The following DENND2C variants were observed in gnomAD, a reference collection of about 807,000 sequenced individuals.
DENND2C encodes the protein DENN domain-containing protein 2C.
In DENND2C, 72 loss-of-function variants were observed where a neutral mutation model predicts 112.4. The ratio of observed to expected loss-of-function variants is 0.64; its 90% CI spans 0.53 to 0.78. DENND2C has a LOEUF of 0.78. Ranked by LOEUF, DENND2C falls within the 30% of genes least tolerant of loss-of-function variation. The pLI is 0.00. For synonymous variants in DENND2C, 329 were observed against 381.6 expected (o/e 0.86, Z 1.61); for missense variants, 992 against 1,113.8 (o/e 0.89, Z 1.56).
At chr1:114,628,155 T>C (rs895996685) in intron 3 of DENND2C, among the ~76,000 whole-genome samples, 1 of 150,400 alleles carries the variant, frequency 6.6e-6, no homozygotes, top group Non-Finnish European at 1.5e-5. Flanking sequence ...AATAAATAAA[T>C]AAATAAATAA....
Position 114,623,035 on chromosome 1 carries a change from A to AG in DENND2C, c.1007dup (p.Ser337PhefsTer9), listed in dbSNP as rs1336527616. Reference sequence around the variant, plus strand: ...TAGCGGGTGGTAGCTTCCATGCTGAAGGGGATCTCCACATAGGTAAAGGCT... The same window carrying AG: ...TAGCGGGTGGTAGCTTCCATGCTGAAGGGGGATCTCCACATAGGTAAAGGCT... On this transcript the variant is annotated frameshift_variant, in exon 6 of 21. Transcript: ENST00000393274. LOFTEE classifies it high-confidence loss of function. 1 of 1,613,528 alleles carries AG rather than the reference A, an allele frequency of 6.2e-7. No individual in the cohort carries two copies. The highest frequency in any genetic ancestry group is 1.7e-5 in the Admixed American group (1 of 59,982).
chr1:114,613,612 A>G (rs1655881669), intron 8 of DENND2C, among the ~76,000 whole-genome samples: 1 of 152,292 alleles, frequency 6.6e-6, no homozygotes, highest in Middle Eastern at 3.4e-3. Context: ...AGTACCAGGT[A>G]TCTCTTAGAA....
Position 114,600,203 on chromosome 1 carries a change from C to T in DENND2C, c.2105+1G>A. ...AGTAACATATTTCACTTATTTCTTA[C>T]CTTAGGCTGTTGGCAACAAAGATTA... On this transcript the variant is annotated splice_donor_variant, in intron 15 of 20. Coordinates refer to ENST00000393274, the MANE Select transcript of DENND2C (RefSeq NM_001256404.2). LOFTEE classifies it high-confidence loss of function. The T allele has an allele frequency of 6.2e-7, 1 of 1,613,762 alleles. No homozygotes were observed. The highest frequency in any genetic ancestry group is 8.5e-7 in the Non-Finnish European group (1 of 1,179,886).
rs574342789 is a variant in DENND2C, at chr1:114,659,882, T to C, written c.-573-5121A>G. ...TTGCAACTCACTGTAGCCTCACTCT[T>C]TGGGCTTACGCGATCCTTCTACCTC... On this transcript the variant is annotated intron_variant, in intron 1 of 20. Coordinates refer to ENST00000393274, the MANE Select transcript of DENND2C (RefSeq NM_001256404.2). Among the ~76,000 whole-genome samples, 3 of 146,822 alleles carry C rather than the reference T, an allele frequency of 2.0e-5. No individual in the cohort carries two copies. In the South Asian group the frequency reaches 7.1e-4, roughly 35 times the overall value.
intron 16 of DENND2C, among the ~76,000 whole-genome samples, chr1:114,597,941 A>G (rs909025706): frequency 6.6e-6 from 1 of 152,190 alleles, no homozygotes; most frequent in African/African-American, 2.4e-5. Context: ...AACACTACGC[A>G]CCCACCAGAT....
Position 114,587,203 on chromosome 1 carries a change from T to C in DENND2C, c.2755+184A>G, listed in dbSNP as rs116313475. ...AGGCATAAGCCACCATGCCCAACCA[T>C]GCCCAGCTAATTTTAAAATTTTGTG... On this transcript the variant is annotated intron_variant, in intron 20 of 20. Coordinates refer to ENST00000393274, the MANE Select transcript of DENND2C (RefSeq NM_001256404.2). 2,011 of 652,102 alleles carry C rather than the reference T, an allele frequency of 3.1e-3. 26 individuals carry two copies. In the African/African-American group the frequency reaches 0.034, roughly 11 times the overall value. The allele number at this position is 652,102 out of a possible 1,614,324, so 40.4% of individuals were successfully genotyped here.
At chr1:114,652,272 T>C (rs1657186663) in intron 2 of DENND2C, among the ~76,000 whole-genome samples, 3 of 152,204 alleles carry the variant, frequency 2.0e-5, no homozygotes, top group Admixed American at 6.5e-5. Context: ...CAATTTTCAA[T>C]ACACTTTTTA....
At chr1:114,591,001 C>G (rs1354030010) in intron 18 of DENND2C, among the ~76,000 whole-genome samples, 1 of 151,790 alleles carries the variant, frequency 6.6e-6, no homozygotes, top group African/African-American at 2.4e-5. Context: ...GGGTCTTGCT[C>G]TATTGCCCAG....
At chr1:114,658,228 A>G (rs1194962440) in intron 1 of DENND2C, among the ~76,000 whole-genome samples, 2 of 152,182 alleles carry the variant, frequency 1.3e-5, no homozygotes, top group Non-Finnish European at 2.9e-5. Flanking sequence ...CTAAGCAGAG[A>G]GTTTTCAGAG....
At chr1:114,646,759 T>A (rs1030149633) in intron 2 of DENND2C, among the ~76,000 whole-genome samples, 1 of 152,198 alleles carries the variant, frequency 6.6e-6, no homozygotes, top group Non-Finnish European at 1.5e-5. Flanking sequence ...TTTTTTCACA[T>A]CCTAATGTAC....
At chr1:114,606,582 TCAG>T (rs1261468028) in intron 10 of DENND2C, among the ~76,000 whole-genome samples, 1 of 152,146 alleles carries the variant, frequency 6.6e-6, no homozygotes, top group Non-Finnish European at 1.5e-5. Context: ...ACTACATAAT[TCAG>T]ATAGCATAAT....
At chr1:114,585,699 G>A (rs1348910088) in intron 20 of DENND2C, 68 bp from the exon 21 acceptor site, 1 of 1,496,242 alleles carries the variant, frequency 6.7e-7, no homozygotes, top group Non-Finnish European at 9.3e-7. Context: ...TTTGAGGTAA[G>A]GGATTAACAG....
chr1:114,615,509 C>T (rs115126510), intron 8 of DENND2C, among the ~76,000 whole-genome samples: 1,729 of 152,256 alleles, frequency 0.011, 27 homozygotes, highest in African/African-American at 0.039. Context: ...ATACGTTATA[C>T]ATGAGATAAA....
chr1:114,605,067 A>G (rs765647005), intron 10 of DENND2C, 36 bp from the exon 11 acceptor site: 2 of 1,470,622 alleles, frequency 1.4e-6, no homozygotes, highest in Non-Finnish European at 1.9e-6. Flanking sequence ...CTTAAATTAT[A>G]CTATGTAAGT....
At chr1:114,588,023 G>C in intron 18 of DENND2C, 71 bp from the exon 19 acceptor site, 1 of 1,313,102 alleles carries the variant, frequency 7.6e-7, no homozygotes, top group Non-Finnish European at 1.1e-6. Context: ...CACTGGCTCT[G>C]GTTATGGAAG....
chr1:114,587,011 C>T, intron 20 of DENND2C: 1 of 190,936 alleles, frequency 5.2e-6, no homozygotes, highest in Non-Finnish European at 1.1e-5. Flanking sequence ...AATTCTTCTG[C>T]CTCAGCCTCC....
In DENND2C at chr1:114,585,395, T is replaced by C. The variant is rs1655013411; in HGVS notation, c.*205A>G. 6.1e-6 allele frequency: 3 copies of C among 495,020 alleles called. No individual in the cohort carries two copies. The highest frequency in any genetic ancestry group is 3.1e-5 in the East Asian group (1 of 32,670). The allele number at this position is 495,020 out of a possible 1,614,324, so 30.7% of individuals were successfully genotyped here. On this transcript the variant is annotated 3_prime_UTR_variant, in exon 21 of 21. Coordinates refer to ENST00000393274, the MANE Select transcript of DENND2C (RefSeq NM_001256404.2). ...AAAAAAAATGGAGACAGAGTAAAGATGGCATGGTGCCAGACCATTCCCAAC... is the reference window on the plus strand; with the variant it reads ...AAAAAAAATGGAGACAGAGTAAAGACGGCATGGTGCCAGACCATTCCCAAC...
chr1:114,642,333 T>C (rs571460950), intron 3 of DENND2C, among the ~76,000 whole-genome samples: 1 of 152,258 alleles, frequency 6.6e-6, no homozygotes, highest in Admixed American at 6.5e-5. Flanking sequence ...TATAAGGTCT[T>C]TCACCCTCTA....
intron 8 of DENND2C, among the ~76,000 whole-genome samples, chr1:114,615,763 T>C (rs1180735721): frequency 6.6e-6 from 1 of 152,190 alleles, no homozygotes; most frequent in African/African-American, 2.4e-5. Context: ...AAAATAGGTT[T>C]TTAAGGGTAA....
Sources: allele counts gnomAD v4.1 joint callset (sites outside exome capture counted in the v4.1 genomes callset), GRCh38; gene constraint gnomAD v4.1.1; transcripts MANE v1.5; gene names NCBI Gene and HGNC (gene_info 2026-07-23, HGNC 2026-07-21).